SCGB2B2: variants seen among roughly 807,000 people sequenced by gnomAD.
SCGB2B2 encodes secretoglobin-like protein.
A neutral mutation model predicts 7.6 loss-of-function variants in SCGB2B2; 11 were observed. That is an observed-to-expected ratio of 1.45 (90% CI 0.91 to 2.40). The LOEUF is 2.40. Among genes scored for constraint, SCGB2B2 ranks in the 30% most tolerant of loss-of-function variants. The pLI is 0.00. For synonymous variants in SCGB2B2, 50 were observed against 48.6 expected (o/e 1.03, Z -0.12); for missense variants, 104 against 115.4 (o/e 0.90, Z 0.45).
chr19:34,655,521 C>A (rs1455525373), intron 1 of SCGB2B2, among the ~76,000 whole-genome samples: 1 of 151,206 alleles, frequency 6.6e-6, no homozygotes, highest in Non-Finnish European at 1.5e-5. Flanking sequence ...CCAGATGGAA[C>A]CAATGTAAAT....
chr19:34,600,027 CT>C (rs2065579097), intron 1 of SCGB2B2, among the ~76,000 whole-genome samples: 2 of 150,760 alleles, frequency 1.3e-5, no homozygotes, highest in African/African-American at 4.9e-5. Flanking sequence ...GACCACTGTC[CT>C]GATTTTATGG....
downstream of SCGB2B2, among the ~76,000 whole-genome samples, chr19:34,590,369 CCATCCATCCGTT>C (rs1462401961): frequency 8.3e-5 from 12 of 145,124 alleles, no homozygotes; most frequent in Admixed American, 1.5e-4. Context: ...ATCCATCCAT[CCATCCATCCGTT>C]CATCCATCCA....
intron 1 of SCGB2B2, among the ~76,000 whole-genome samples, chr19:34,610,027 T>C (rs1046893252): frequency 6.6e-6 from 1 of 152,160 alleles, no homozygotes; most frequent in Non-Finnish European, 1.5e-5. Context: ...TTGGTAGAGA[T>C]CTTTCACCTC....
At chr19:34,633,326 A>G (rs2066586776) in intron 1 of SCGB2B2, among the ~76,000 whole-genome samples, 1 of 152,254 alleles carries the variant, frequency 6.6e-6, no homozygotes, top group African/African-American at 2.4e-5. Context: ...TAGTACATGA[A>G]TGTTGATAGC....
At chr19:34,657,092 T>C (rs946550297) in intron 1 of SCGB2B2, among the ~76,000 whole-genome samples, 9 of 151,304 alleles carry the variant, frequency 5.9e-5, no homozygotes, top group Admixed American at 5.9e-4. Context: ...TACGAAACAA[T>C]ATAGAATAAT....
At chr19:34,631,112 T>TGGGGGG in intron 1 of SCGB2B2, among the ~76,000 whole-genome samples, 1 of 89,076 alleles carries the variant, frequency 1.1e-5, no homozygotes, top group Admixed American at 1.6e-4. Context: ...CGGGGCCTGT[T>TGGGGGG]GTGGGGTGGG....
intron 1 of SCGB2B2, among the ~76,000 whole-genome samples, chr19:34,666,443 T>TG (rs1266434664): frequency 6.6e-6 from 1 of 152,112 alleles, no homozygotes; most frequent in African/African-American, 2.4e-5. Flanking sequence ...GACAGGCCAC[T>TG]GGGCCACCTG....
chr19:34,645,561 C>T lies in SCGB2B2; in HGVS notation c.-2032+30069G>A, dbSNP rs1417858511. On this transcript the variant is annotated intron_variant, in intron 1 of 3. Coordinates refer to ENST00000601241, the MANE Select transcript of SCGB2B2 (RefSeq NM_001025591.4). ...ACACAGACACACACACACACACACACACACACACACACGAAGGTGTGTGTC... is the reference window on the plus strand; with the variant it reads ...ACACAGACACACACACACACACACATACACACACACACGAAGGTGTGTGTC... The T allele has an allele frequency of 1.7e-5, 3 of 177,818 alleles. No homozygotes were observed. In the South Asian group the frequency reaches 2.1e-4, roughly 12 times the overall value. The allele number at this position is 177,818 out of a possible 1,614,324, so 11.0% of individuals were successfully genotyped here. A position where few individuals can be genotyped will look rare whatever the true frequency, so the allele number is the denominator to read the frequency against.
At chr19:34,634,196 C>G (rs897646347) in intron 1 of SCGB2B2, among the ~76,000 whole-genome samples, 1 of 152,138 alleles carries the variant, frequency 6.6e-6, no homozygotes, top group Non-Finnish European at 1.5e-5. Flanking sequence ...GGGCACATAC[C>G]CTCTATTTTG....
At chr19:34,607,500 T>C (rs772949913) in intron 1 of SCGB2B2, among the ~76,000 whole-genome samples, 21 of 152,234 alleles carry the variant, frequency 1.4e-4, no homozygotes, top group Non-Finnish European at 2.9e-4. Context: ...GGTAGCTCTA[T>C]TTTTAAGTTT....
intron 1 of SCGB2B2, among the ~76,000 whole-genome samples, chr19:34,622,471 C>T (rs1334064212): frequency 6.6e-6 from 1 of 152,128 alleles, no homozygotes; most frequent in African/African-American, 2.4e-5. Flanking sequence ...CTAAGAATCC[C>T]TTCAGATGTT....
chr19:34,634,284 A>C (rs1009719845), intron 1 of SCGB2B2, among the ~76,000 whole-genome samples: 5 of 152,102 alleles, frequency 3.3e-5, no homozygotes, highest in Non-Finnish European at 7.3e-5. Flanking sequence ...CCCACTCATG[A>C]TTTCCTCCAG....
At chr19:34,631,758 C>T (rs2066542204) in intron 1 of SCGB2B2, among the ~76,000 whole-genome samples, 1 of 151,864 alleles carries the variant, frequency 6.6e-6, no homozygotes, top group South Asian at 2.1e-4. Flanking sequence ...AAAATGACAA[C>T]TAAATTCTAA....
Position 34,594,813 on chromosome 19 carries a change from G to A in SCGB2B2, c.-250C>T, listed in dbSNP as rs2065402844. ...CATGCAGTGGGAGGGGTTGGGTGTT[G>A]TGACATTCTCTCTGTCCTCCCTGGA... On this transcript the variant is annotated 5_prime_UTR_variant, in exon 2 of 4. An upstream open reading frame in the 5' UTR gains an earlier in-frame stop. Transcript: ENST00000601241. 1.9e-6 allele frequency: 1 copy of A among 539,428 alleles called. No individual in the cohort carries two copies. Among genetic ancestry groups the A allele is most frequent in the African/African-American group, 1.9e-5 (1 of 52,722 alleles). The allele number at this position is 539,428 out of a possible 1,614,324, so 33.4% of individuals were successfully genotyped here.
intron 1 of SCGB2B2, among the ~76,000 whole-genome samples, chr19:34,648,160 C>A (rs2067072003): frequency 6.6e-6 from 1 of 152,140 alleles, no homozygotes; most frequent in Non-Finnish European, 1.5e-5. Flanking sequence ...ATTAGCCATC[C>A]AGGAGGATGA....
rs542452113 is a variant in SCGB2B2 at position 34,635,045 on chromosome 19, G to A, written c.-2031-38451C>T. 6.9e-5 allele frequency: 20 copies of A among 290,440 alleles called. No individual in the cohort carries two copies. The Middle Eastern group carries it at 3.1e-3, about 45-fold the overall frequency. 18.0% of individuals were successfully genotyped at this position (290,440 alleles called of 1,614,324 possible). A position where few individuals can be genotyped will look rare whatever the true frequency, so the allele number is the denominator to read the frequency against. On this transcript the variant is annotated intron_variant, in intron 1 of 3. Transcript: ENST00000601241. ...TCTCCAGTGTGGATTCTCCAATGCCGAGCAAGTGTGATTTTGCAGCTGAAG... is the reference window on the plus strand; with the variant it reads ...TCTCCAGTGTGGATTCTCCAATGCCAAGCAAGTGTGATTTTGCAGCTGAAG...
At chr19:34,594,114 G>C (rs1255284718) in intron 3 of SCGB2B2, 61 bp downstream of exon 3, 2 of 1,356,192 alleles carry the variant, frequency 1.5e-6, no homozygotes, top group Admixed American at 1.7e-5. Flanking sequence ...CAAGTGCAGG[G>C]AAGTGCAAGC....
chr19:34,610,696 C>CTGTTGAGGTTGGTTTGCTAGTATTT (rs1226803754), intron 1 of SCGB2B2, among the ~76,000 whole-genome samples: 3 of 150,304 alleles, frequency 2.0e-5, no homozygotes, highest in Non-Finnish European at 3.0e-5. Context: ...TTTTGCTAAG[C>CTGTTGAGGTTGGTTTGCTAGTATTT]TGTTGAGGTT....
chr19:34,636,450 T>C (rs934232540), intron 1 of SCGB2B2, among the ~76,000 whole-genome samples: 5 of 152,186 alleles, frequency 3.3e-5, no homozygotes, highest in Admixed American at 3.3e-4. Flanking sequence ...AGCAGGAGCT[T>C]GTCTGCTGGT....
Sources: gnomAD v4.1 joint callset for allele counts (sites outside exome capture counted in the v4.1 genomes callset) on GRCh38, gnomAD v4.1.1 for gene constraint, MANE v1.5 for transcripts, NCBI Gene and HGNC (gene_info 2026-07-23, HGNC 2026-07-21) for gene names.